The following PLCB2 variants were observed in gnomAD, a reference collection of about 807,000 sequenced individuals.
The protein encoded by PLCB2 is 1-phosphatidylinositol 4,5-bisphosphate phosphodiesterase beta-2.
A neutral mutation model predicts 141.7 loss-of-function variants in PLCB2; 115 were observed. The observed-to-expected ratio is 0.81, with a 90% CI of 0.70 to 0.95. The LOEUF (loss-of-function observed/expected upper bound fraction) is 0.95. PLCB2 is among the 40% of genes least tolerant of loss of function. PLCB2 has a pLI of 0.00. For synonymous variants in PLCB2, 603 were observed against 595.6 expected (o/e 1.01, Z -0.18); for missense variants, 1,403 against 1,541.1 (o/e 0.91, Z 1.50).
chr15:40,288,260 C>G lies in PLCB2; in HGVS notation c.*455G>C, dbSNP rs2039660250. On this transcript the variant is annotated 3_prime_UTR_variant, in exon 32 of 32. Coordinates refer to ENST00000260402, the MANE Select transcript of PLCB2 (RefSeq NM_004573.3). ...ATCTGCCTCAAGGAGTGGACAAGGC[C>G]AACTCAGGGCAGGCCTGATGGGGCC... 2.0e-6 allele frequency: 2 copies of G among 988,034 alleles called. No homozygotes were observed. The highest frequency in any genetic ancestry group is 2.4e-6 in the Non-Finnish European group (2 of 831,792). 61.2% of individuals were successfully genotyped at this position (988,034 alleles called of 1,614,324 possible).
intron 19 of PLCB2, 141 bp downstream of exon 19, chr15:40,294,125 C>G (rs2040074917): frequency 2.5e-6 from 2 of 811,898 alleles, no homozygotes. Context: ...TCCAAGGCAA[C>G]TTGCTACTGC....
chr15:40,299,746 G>A (rs541901186), intron 7 of PLCB2, among the ~76,000 whole-genome samples: 134 of 152,252 alleles, frequency 8.8e-4, no homozygotes, highest in Non-Finnish European at 1.6e-3. Flanking sequence ...AAAAACTTTT[G>A]TGCTTCAAAG....
chr15:40,285,390 A>G, downstream of PLCB2: 4 of 387,970 alleles, frequency 1.0e-5, no homozygotes, highest in Non-Finnish European at 1.4e-5. Context: ...TCTCAGCTGC[A>G]AAATGAGACT....
Position 40,298,657 on chromosome 15 carries a change from C to A in PLCB2, c.902G>T (p.Ser301Ile). Residue 301 changes from serine to isoleucine, a missense_variant, in exon 10 of 32, where the codon AGC becomes ATC. Physicochemically the swap from Ser to Ile is moderately radical, Grantham distance 142. This residue lies in a region of PLCB2 where 975 missense variants were observed against 1,141.1 expected (regional missense o/e 0.85). Transcript: ENST00000260402. ...MVWFLCGPEN[S>I]VLAQDKLLLH... ...CAGCAGCTTGTCCTGGGCCAGCACG[C>A]TGTTCTCTGGCCCACAGAGAAACCA... is the stretch of plus-strand genomic sequence containing the variant. The A allele has an allele frequency of 6.2e-7, 1 of 1,614,210 alleles. No individual in the cohort carries two copies.
chr15:40,299,274 G>T, intron 7 of PLCB2, 46 bp from the exon 8 acceptor site: 1 of 1,343,916 alleles, frequency 7.4e-7, no homozygotes, highest in Non-Finnish European at 1.1e-6. Flanking sequence ...CCTTCTCAGA[G>T]CTAAGAACCA....
At chr15:40,289,419 C>G in intron 30 of PLCB2, 61 bp from the exon 31 acceptor site, 1 of 1,257,122 alleles carries the variant, frequency 8.0e-7, no homozygotes, top group Non-Finnish European at 1.2e-6. Flanking sequence ...GGGTCAGAAT[C>G]CAGCTGTAAT....
chr15:40,305,766 A>G (rs759741969), intron 1 of PLCB2, among the ~76,000 whole-genome samples: 30 of 152,204 alleles, frequency 2.0e-4, no homozygotes, highest in African/African-American at 6.8e-4. Flanking sequence ...GCATGAGCCA[A>G]TTTATGACAG....
chr15:40,290,622 A>C lies in PLCB2; in HGVS notation c.3164T>G (p.Ile1055Ser), dbSNP rs1339388499. Residue 1055 changes from isoleucine (I) to serine (S), a missense_variant, in exon 29 of 32, where the codon ATC becomes AGC. Physicochemically the swap from Ile to Ser is moderately radical, Grantham distance 142. Transcript: ENST00000260402. Reference sequence around the variant, plus strand: ...TGTGGTGACTTTGGTCATGCCCTGGATCCGCTCCAGTCTCTTTGTCTCCAG... The same window carrying C: ...TGTGGTGACTTTGGTCATGCCCTGGCTCCGCTCCAGTCTCTTTGTCTCCAG... ...KKLETKRLER[I>S]QGMTKVTTDK... The C allele has an allele frequency of 6.2e-7, 1 of 1,614,040 alleles. No homozygotes were observed. The highest frequency in any genetic ancestry group is 1.3e-5 in the African/African-American group (1 of 74,996).
intron 11 of PLCB2, 119 bp from the exon 12 acceptor site, chr15:40,298,078 GC>G: frequency 8.6e-7 from 1 of 1,164,670 alleles, no homozygotes; most frequent in Non-Finnish European, 1.2e-6. Flanking sequence ...GCCGCCATTG[GC>G]CCCCAATCCC....
In PLCB2 at chr15:40,288,141, C is replaced by G. The variant is rs961610307; in HGVS notation, c.*574G>C. The G allele has an allele frequency of 2.0e-6, 2 of 985,552 alleles. No homozygotes were observed. The highest frequency in any genetic ancestry group is 1.2e-4 in the Admixed American group (2 of 16,288). 61.1% of individuals were successfully genotyped at this position (985,552 alleles called of 1,614,324 possible). On this transcript the variant is annotated 3_prime_UTR_variant, in exon 32 of 32. Transcript: ENST00000260402. ...GCCAAGCAGGGCCAAGGCAGCTTTT[C>G]CATTTCAGCCTCCCGTTCCGGACAG...
At chr15:40,296,699 G>C in intron 14 of PLCB2, 47 bp downstream of exon 14, 1 of 1,610,064 alleles carries the variant, frequency 6.2e-7, no homozygotes, top group Non-Finnish European at 8.5e-7. Flanking sequence ...CCCCTCTCCT[G>C]TTCCAGATGC....
intron 23 of PLCB2, 64 bp from the exon 24 acceptor site, chr15:40,291,988 G>C (rs1428486850): frequency 6.2e-7 from 1 of 1,603,672 alleles, no homozygotes; most frequent in Non-Finnish European, 8.5e-7. Context: ...CCTGGGACTC[G>C]GCCCTCTCCC....
At chr15:40,305,175 CTTTTT>C (rs11320842) in intron 1 of PLCB2, among the ~76,000 whole-genome samples, 2 of 134,780 alleles carry the variant, frequency 1.5e-5, no homozygotes, top group Non-Finnish European at 3.2e-5. Flanking sequence ...TTTGTGATCT[CTTTTT>C]TTTTTTTTTT....
In PLCB2 at chr15:40,296,566, C is replaced by T; in HGVS notation, c.1555G>A (p.Gly519Arg). ...EVEEEEEEES[G>R]NLDEEEIKKM... ...TTAATCTCTTCTTCATCCAGGTTTC[C>T]TGACTCCTCCTCCTCTTCCTCTTCC... The change falls in exon 15 of 32, where the codon GGA becomes AGA. Residue 519 changes from glycine to arginine, a missense_variant. Coordinates refer to ENST00000260402, the MANE Select transcript of PLCB2 (RefSeq NM_004573.3). 1.2e-6 allele frequency: 2 copies of T among 1,613,780 alleles called. No homozygotes were observed. Among genetic ancestry groups the T allele is most frequent in the South Asian group, 1.1e-5 (1 of 91,036 alleles).
intron 7 of PLCB2, chr15:40,301,224 T>G: frequency 3.8e-6 from 1 of 263,390 alleles, no homozygotes; most frequent in East Asian, 8.6e-5. Context: ...TTTATTTATT[T>G]ATAACGTTCC....
Position 40,302,531 on chromosome 15 carries a change from C to G in PLCB2, c.310G>C (p.Gly104Arg). 1 of 1,614,190 alleles carries G rather than the reference C, an allele frequency of 6.2e-7. No individual in the cohort carries two copies. Among genetic ancestry groups the G allele is most frequent in the Non-Finnish European group, 8.5e-7 (1 of 1,180,014 alleles). The change falls in exon 4 of 32, where the codon GGC becomes CGC. Residue 104 changes from glycine (G) to arginine (R), a missense_variant. By Grantham distance (125) the Gly-to-Arg change is moderately radical. This residue lies in a region of PLCB2 where 975 missense variants were observed against 1,141.1 expected (regional missense o/e 0.85). Transcript: ENST00000260402. ...FLLKTLTVVSGPDMVDLTFHN... is the reference protein window; with the variant it reads ...FLLKTLTVVSRPDMVDLTFHN... Reference sequence around the variant, plus strand: ...AAGGTGAGGTCCACCATGTCCGGGCCGGACACCACCGTGAGTGTCTTCAGC... The same window carrying G: ...AAGGTGAGGTCCACCATGTCCGGGCGGGACACCACCGTGAGTGTCTTCAGC...
Position 40,291,621 on chromosome 15 carries a change from T to C in PLCB2, c.2632A>G (p.Met878Val). The change falls in exon 25 of 32, where the codon ATG becomes GTG. Residue 878 changes from methionine to valine, a missense_variant. By Grantham distance (21) the Met-to-Val change is conservative. This residue lies in a region of PLCB2 where 975 missense variants were observed against 1,141.1 expected (regional missense o/e 0.85). Coordinates refer to ENST00000260402, the MANE Select transcript of PLCB2 (RefSeq NM_004573.3). ...AARAGAREEA[M>V]KEAAEPRTAS... ...CAGGCCTTACCCGCAGCTTCTTTCA[T>C]AGCCTCTTCCCTGGCCCCGGCCCTG... is the stretch of plus-strand genomic sequence containing the variant. 1 of 1,613,418 alleles carries C rather than the reference T, an allele frequency of 6.2e-7. No individual in the cohort carries two copies. The highest frequency in any genetic ancestry group is 8.5e-7 in the Non-Finnish European group (1 of 1,179,876).
In PLCB2 at chr15:40,298,277, G is replaced by C. The variant is rs375119309; in HGVS notation, c.1101C>G (p.Asp367Glu). ...AGCCATGGGTGATAATGGGCTCCTC[G>C]TCAGGGGGTTTCCCCTTCCAGCAGT... Reference protein sequence around the residue: ...ELDCWKGKPPDEEPIITHGFT... With the variant: ...ELDCWKGKPPEEEPIITHGFT... Residue 367 changes from aspartate (D) to glutamate (E), a missense_variant, in exon 11 of 32, where the codon GAC becomes GAG. This residue lies in a region of PLCB2 where 975 missense variants were observed against 1,141.1 expected (regional missense o/e 0.85). Coordinates refer to ENST00000260402, the MANE Select transcript of PLCB2 (RefSeq NM_004573.3). 1.9e-6 allele frequency: 3 copies of C among 1,601,334 alleles called. No individual in the cohort carries two copies. Among genetic ancestry groups the C allele is most frequent in the Admixed American group, 1.7e-5 (1 of 58,684 alleles).
At position 40,288,851 on chromosome 15, in the gene PLCB2, G is replaced by A. The variant is rs554413575; in HGVS notation, c.3422C>T (p.Ser1141Leu). 70 of 1,613,892 alleles carry A rather than the reference G, an allele frequency of 4.3e-5. No homozygotes were observed. Among genetic ancestry groups the A allele is most frequent in the Non-Finnish European group, 5.3e-5 (62 of 1,180,006 alleles). Residue 1141 changes from serine (S) to leucine (L), a missense_variant, in exon 32 of 32, where the codon TCG (serine) becomes TTG (leucine). Ser to Leu is a moderately radical substitution (Grantham distance 145). Around this residue, in one of 4 missense-constraint regions of PLCB2, gnomAD observed 132 missense variants for 132.4 expected, o/e 1.00. Coordinates refer to ENST00000260402, the MANE Select transcript of PLCB2 (RefSeq NM_004573.3). ...GCAGGTCCTGAGGCAGGCCCTCACCGACTCCTTCACCTCTGCCTCCAGACC... is the reference window on the plus strand; with the variant it reads ...GCAGGTCCTGAGGCAGGCCCTCACCAACTCCTTCACCTCTGCCTCCAGACC... ...MKGLEAEVKESVRACLRTCFP... is the reference protein window; with the variant it reads ...MKGLEAEVKELVRACLRTCFP...
Sources: gnomAD v4.1 joint callset for allele counts (sites outside exome capture counted in the v4.1 genomes callset) on GRCh38, gnomAD v4.1.1 for gene constraint, gnomAD v4.1.1 regional missense constraint, MANE v1.5 for transcripts, NCBI Gene and HGNC (gene_info 2026-07-23, HGNC 2026-07-21) for gene names.